CLASP2: variants seen among roughly 807,000 people sequenced by gnomAD.
CLASP2 encodes the protein cytoplasmic linker associated protein 2, also known as CLIP-associating protein 2.
In CLASP2, 47 loss-of-function variants were observed where a neutral mutation model predicts 194.4. That is an observed-to-expected ratio of 0.24 (90% confidence interval 0.19 to 0.31). The LOEUF is 0.31. Ranked by LOEUF, CLASP2 falls within the 10% of genes least tolerant of loss-of-function variation. The pLI, the probability that CLASP2 is intolerant of heterozygous loss-of-function variation, is 1.00. For missense variants in CLASP2, 1,445 were observed against 1,823.6 expected (o/e 0.79, Z 3.78); for synonymous variants, 619 against 633.5 (o/e 0.98, Z 0.34).
Position 33,704,624 on chromosome 3 carries a change from G to A in CLASP2, c.196-7691C>T, listed in dbSNP as rs191746303. 3.8e-3 allele frequency among the ~76,000 whole-genome samples: 572 copies of A among 152,098 alleles called. 2 individuals are homozygous for A. Among genetic ancestry groups the A allele is most frequent in the Non-Finnish European group, 5.6e-3 (382 of 67,970 alleles). Reference sequence around the variant, plus strand: ...AAAAATTAGCTGGGCATGGTGGCACGCGCCTGTAGTCCCAGCTACTTGGGA... The same window carrying A: ...AAAAATTAGCTGGGCATGGTGGCACACGCCTGTAGTCCCAGCTACTTGGGA... On this transcript the variant is annotated intron_variant, in intron 1 of 38. Coordinates refer to ENST00000682230, the MANE Select transcript of CLASP2 (RefSeq NM_001365631.1).
chr3:33,503,537 C>T (rs2047331416), intron 37 of CLASP2: 1 of 151,956 alleles, frequency 6.6e-6, no homozygotes, highest in Admixed American at 6.6e-5. Context: ...AAGCAATTCT[C>T]CTGCCTCGGT....
intron 36 of CLASP2, among the ~76,000 whole-genome samples, chr3:33,514,979 C>T (rs970890123): frequency 8.5e-5 from 13 of 152,072 alleles, no homozygotes; most frequent in African/African-American, 3.1e-4. Flanking sequence ...GAATGGAAAA[C>T]CAAACATCAT....
chr3:33,582,011 T>C, intron 22 of CLASP2, 83 bp from the exon 23 acceptor site: 1 of 828,826 alleles, frequency 1.2e-6, no homozygotes, highest in Non-Finnish European at 2.0e-6. Context: ...TTTTTTTCTT[T>C]CTTAAAGACT....
chr3:33,673,326 C>G (rs201853206), intron 6 of CLASP2, among the ~76,000 whole-genome samples: 188 of 143,628 alleles, frequency 1.3e-3, no homozygotes, highest in Admixed American at 2.1e-3. Flanking sequence ...CCCAGAATTT[C>G]ATATCCAGCC....
At chr3:33,510,207 T>TG (rs1054093596) in intron 37 of CLASP2, among the ~76,000 whole-genome samples, 1 of 151,934 alleles carries the variant, frequency 6.6e-6, no homozygotes, top group Admixed American at 6.6e-5. Flanking sequence ...TACCAGGTGC[T>TG]GGGGGGGATG....
intron 37 of CLASP2, chr3:33,502,292 A>G (rs988807740): frequency 6.6e-6 from 1 of 152,404 alleles, no homozygotes; most frequent in Admixed American, 6.5e-5. Flanking sequence ...TTTTATTTAA[A>G]AAATTAACTT....
rs569802559 is a variant in CLASP2, at chr3:33,574,267, A to T, written c.2455-913T>A. 3.3e-5 allele frequency among the ~76,000 whole-genome samples: 5 copies of T among 152,272 alleles called. No homozygotes were observed. In the South Asian group the frequency reaches 1.0e-3, roughly 32 times the overall value. ...GAATGACCTCATTTAATTTGTATGA[A>T]GTAGTCAAGCTGAAAGAATGAGCAC... is the stretch of plus-strand genomic sequence containing the variant. On this transcript the variant is annotated intron_variant, in intron 24 of 38. Coordinates refer to ENST00000682230, the MANE Select transcript of CLASP2 (RefSeq NM_001365631.1).
intron 7 of CLASP2, among the ~76,000 whole-genome samples, chr3:33,657,118 G>C (rs2084379501): frequency 6.6e-6 from 1 of 151,988 alleles, no homozygotes; most frequent in South Asian, 2.1e-4. Flanking sequence ...AACAAAGTTT[G>C]TAAGTTCGTA....
At chr3:33,634,761 C>T (rs1471149019) in intron 8 of CLASP2, among the ~76,000 whole-genome samples, 2 of 152,068 alleles carry the variant, frequency 1.3e-5, no homozygotes, top group South Asian at 2.1e-4. Flanking sequence ...ATACATATTT[C>T]AAAACATGTG....
At position 33,656,801 on chromosome 3, in the gene CLASP2, G is replaced by A. The variant is rs552786326; in HGVS notation, c.715+6644C>T. 8.3e-5 allele frequency among the ~76,000 whole-genome samples: 10 copies of A among 120,364 alleles called. No individual in the cohort carries two copies. The East Asian group carries it at 1.1e-3, about 14-fold the overall frequency. The allele number at this position is 120,364 out of a possible 152,430, so 79.0% of individuals were successfully genotyped here. ...ATGCAACCGTTTTAAAAAATGATGC[G>A]AAATAACACGATAGTATTTTTTTAA... is the stretch of plus-strand genomic sequence containing the variant. On this transcript the variant is annotated intron_variant, in intron 7 of 38. Coordinates refer to ENST00000682230, the MANE Select transcript of CLASP2 (RefSeq NM_001365631.1).
chr3:33,584,723 C>CA, intron 22 of CLASP2, 27 bp downstream of exon 22: 1 of 1,501,942 alleles, frequency 6.7e-7, no homozygotes. Flanking sequence ...TTACATGTCT[C>CA]ACATAAAAAA....
chr3:33,524,789 A>T (rs1295582328), intron 34 of CLASP2, among the ~76,000 whole-genome samples: 1 of 152,248 alleles, frequency 6.6e-6, no homozygotes, highest in Non-Finnish European at 1.5e-5. Context: ...AACTATAAAC[A>T]TGTATGCAGC....
chr3:33,576,926 T>C (rs2065021410), intron 23 of CLASP2, among the ~76,000 whole-genome samples: 1 of 150,236 alleles, frequency 6.7e-6, no homozygotes, highest in Non-Finnish European at 1.5e-5. Flanking sequence ...TAAACATATA[T>C]ACAAAGATGA....
chr3:33,581,015 C>CAAAAAAAAAAAA (rs34304858), intron 23 of CLASP2, among the ~76,000 whole-genome samples: 2 of 57,724 alleles, frequency 3.5e-5, no homozygotes, highest in African/African-American at 6.5e-5. Flanking sequence ...GACTCCGTCT[C>CAAAAAAAAAAAA]AAAAAAAAAA....
intron 2 of CLASP2, among the ~76,000 whole-genome samples, chr3:33,691,438 GA>G (rs1336139397): frequency 2.6e-5 from 4 of 151,740 alleles, no homozygotes; most frequent in East Asian, 1.9e-4. Flanking sequence ...TTCTTTTTGG[GA>G]AAAAAAATGA....
intron 21 of CLASP2, among the ~76,000 whole-genome samples, chr3:33,586,053 A>G (rs1486515458): frequency 2.0e-5 from 3 of 152,132 alleles, no homozygotes; most frequent in African/African-American, 7.2e-5. Context: ...GCTCTTGGGT[A>G]GTGACATTCT....
chr3:33,539,555 G>A (rs558328611), intron 32 of CLASP2, among the ~76,000 whole-genome samples: 41 of 152,114 alleles, frequency 2.7e-4, no homozygotes, highest in Admixed American at 5.2e-4. Context: ...GGCTGGTCTC[G>A]AACTCCTGAC....
At chr3:33,715,009 C>T (rs927091348) in intron 1 of CLASP2, among the ~76,000 whole-genome samples, 1 of 152,228 alleles carries the variant, frequency 6.6e-6, no homozygotes, top group Non-Finnish European at 1.5e-5. Context: ...ACAGCTGCTT[C>T]CTCAACTTCG....
intron 1 of CLASP2, among the ~76,000 whole-genome samples, chr3:33,698,315 A>C (rs1173988898): frequency 6.6e-6 from 1 of 152,218 alleles, no homozygotes; most frequent in East Asian, 1.9e-4. Context: ...CAGAGGAAGG[A>C]GCAGAAAAAC....
Sources: allele counts gnomAD v4.1 joint callset (sites outside exome capture counted in the v4.1 genomes callset), GRCh38; gene constraint gnomAD v4.1.1; transcripts MANE v1.5; gene names NCBI Gene and HGNC (gene_info 2026-07-23, HGNC 2026-07-21).